Variants in SLC30A9 observed in about 807,000 individuals in gnomAD.
SLC30A9 encodes the protein solute carrier family 30 member 9.
Under a neutral mutation model 87.5 loss-of-function variants are expected in SLC30A9, and 58 were observed. That is an observed-to-expected ratio of 0.66 (90% CI 0.54 to 0.82). The LOEUF (loss-of-function observed/expected upper bound fraction) is 0.82, where lower values mean the gene tolerates loss of function less well. Ranked by LOEUF, SLC30A9 falls within the 40% of genes least tolerant of loss-of-function variation. SLC30A9 has a pLI of 0.00. For missense variants in SLC30A9, 557 were observed against 679.1 expected, an observed-to-expected ratio of 0.82 and a Z score of 2.00; for synonymous variants, 234 against 233.0, an observed-to-expected ratio of 1.00 and a Z score of -0.04.
chr4:42,055,379 T>A (rs1047786612), intron 9 of SLC30A9, among the ~76,000 whole-genome samples: 1 of 77,220 alleles, frequency 1.3e-5, no homozygotes, highest in South Asian at 6.4e-4. Context: ...TAATGTAGTT[T>A]TTTATTTATT....
At chr4:42,076,954 T>C (rs1369098390) in intron 16 of SLC30A9, among the ~76,000 whole-genome samples, 2 of 91,556 alleles carry the variant, frequency 2.2e-5, no homozygotes. Context: ...AGAGCGAGAC[T>C]CCGTCTCAAA....
intron 12 of SLC30A9, among the ~76,000 whole-genome samples, chr4:42,065,703 T>C (rs2153140145): frequency 6.6e-6 from 1 of 152,354 alleles, no homozygotes; most frequent in Middle Eastern, 3.4e-3. Context: ...CCACCATATT[T>C]GTGGTTATTT....
intron 2 of SLC30A9, among the ~76,000 whole-genome samples, chr4:42,005,027 T>TA (rs1715142637): frequency 1.3e-5 from 2 of 152,198 alleles, no homozygotes. Context: ...TTTTCAGACT[T>TA]ACCTTTTATT....
intron 2 of SLC30A9, among the ~76,000 whole-genome samples, chr4:42,006,783 G>T (rs1232697381): frequency 2.6e-5 from 4 of 152,036 alleles, no homozygotes; most frequent in Non-Finnish European, 5.9e-5. Flanking sequence ...TGGCGGTGGG[G>T]TTGGTAGTGT....
chr4:42,075,021 AT>A (rs1247021745), intron 15 of SLC30A9, among the ~76,000 whole-genome samples: 1 of 1,926 alleles, frequency 5.2e-4, no homozygotes, highest in Non-Finnish European at 1.0e-3. Context: ...GAGTTAATGA[AT>A]ATATATATAT....
At chr4:41,991,276 C>T (rs1167700209) in intron 1 of SLC30A9, among the ~76,000 whole-genome samples, 2 of 152,298 alleles carry the variant, frequency 1.3e-5, no homozygotes, top group Admixed American at 6.5e-5. Context: ...CGAAAGTATC[C>T]GACAATCATT....
chr4:42,077,377 T>C (rs1176611204), intron 16 of SLC30A9, among the ~76,000 whole-genome samples: 2 of 152,198 alleles, frequency 1.3e-5, no homozygotes, highest in Non-Finnish European at 2.9e-5. Flanking sequence ...ATTACACTTA[T>C]AGATTTGAAA....
intron 8 of SLC30A9, among the ~76,000 whole-genome samples, chr4:42,041,938 AC>A (rs1429815397): frequency 6.6e-6 from 1 of 152,122 alleles, no homozygotes; most frequent in Non-Finnish European, 1.5e-5. Flanking sequence ...GCATTGCCTC[AC>A]CGGGGTAGTG....
chr4:42,041,013 G>C (rs1311906896), intron 8 of SLC30A9, among the ~76,000 whole-genome samples: 1 of 152,156 alleles, frequency 6.6e-6, no homozygotes, highest in South Asian at 2.1e-4. Flanking sequence ...AATCATGGTG[G>C]AAGGCAAGGA....
At chr4:42,085,021 A>G (rs1718874078) in intron 17 of SLC30A9, among the ~76,000 whole-genome samples, 1 of 152,224 alleles carries the variant, frequency 6.6e-6, no homozygotes, top group African/African-American at 2.4e-5. Context: ...AAGCTAGCAT[A>G]TAAGATTTTT....
intron 9 of SLC30A9, among the ~76,000 whole-genome samples, chr4:42,057,004 C>T (rs1031501982): frequency 3.9e-5 from 6 of 152,336 alleles, no homozygotes; most frequent in Middle Eastern, 3.4e-3. Context: ...CATGTCTCAC[C>T]TCCAGGTCAC....
intron 11 of SLC30A9, among the ~76,000 whole-genome samples, chr4:42,063,416 G>GA (rs1217429996): frequency 6.6e-6 from 1 of 152,192 alleles, no homozygotes; most frequent in Non-Finnish European, 1.5e-5. Context: ...TGAAGAACAA[G>GA]AAAACCTCTG....
In SLC30A9 at chr4:41,998,060, T is replaced by G. The variant is rs544952775; in HGVS notation, c.110-3556T>G. Among the ~76,000 whole-genome samples, 12 of 152,358 alleles carry G rather than the reference T, an allele frequency of 7.9e-5. No individual in the cohort carries two copies. In the South Asian group the frequency reaches 2.5e-3, roughly 32 times the overall value. On this transcript the variant is annotated intron_variant, in intron 1 of 17. Transcript: ENST00000264451. Reference sequence around the variant, plus strand: ...GTGTGAGAGAAAAAGAGTGTCTTTTTGTTGTTATTCGTAGCCTAAAAATGA... The same window carrying G: ...GTGTGAGAGAAAAAGAGTGTCTTTTGGTTGTTATTCGTAGCCTAAAAATGA...
At chr4:42,001,229 G>A (rs1205004259) in intron 1 of SLC30A9, among the ~76,000 whole-genome samples, 1 of 152,004 alleles carries the variant, frequency 6.6e-6, no homozygotes, top group Non-Finnish European at 1.5e-5. Context: ...TAAATCTTTA[G>A]CTAGTGGAAG....
intron 15 of SLC30A9, among the ~76,000 whole-genome samples, chr4:42,073,497 AG>A (rs1718399016): frequency 6.6e-6 from 1 of 152,198 alleles, no homozygotes; most frequent in Admixed American, 6.5e-5. Flanking sequence ...CCCAAAACTT[AG>A]TGGTTTAAAC....
At chr4:42,005,632 G>A (rs1715168882) in intron 2 of SLC30A9, among the ~76,000 whole-genome samples, 1 of 152,140 alleles carries the variant, frequency 6.6e-6, no homozygotes, top group South Asian at 2.1e-4. Context: ...AAGAATCCAA[G>A]CTTCAATAGA....
intron 1 of SLC30A9, among the ~76,000 whole-genome samples, chr4:41,992,563 CATT>C (rs1002612560): frequency 3.9e-5 from 6 of 152,108 alleles, no homozygotes; most frequent in Non-Finnish European, 2.9e-5. Flanking sequence ...GTGTAGCTGT[CATT>C]ATGTTGAAAA....
chr4:42,020,107 C>A (rs1341227381), intron 3 of SLC30A9, among the ~76,000 whole-genome samples: 1 of 152,034 alleles, frequency 6.6e-6, no homozygotes, highest in Admixed American at 6.6e-5. Context: ...TTCATTTAGA[C>A]CCTAAGCAAT....
chr4:42,049,141 T>A (rs905415245), intron 8 of SLC30A9, among the ~76,000 whole-genome samples: 13 of 152,022 alleles, frequency 8.6e-5, no homozygotes, highest in African/African-American at 2.9e-4. Flanking sequence ...TTTTAAAAAA[T>A]TTTTTGTAGA....
Sources: gnomAD v4.1 joint callset for allele counts (sites outside exome capture counted in the v4.1 genomes callset) on GRCh38, gnomAD v4.1.1 for gene constraint, MANE v1.5 for transcripts, NCBI Gene and HGNC (gene_info 2026-07-23, HGNC 2026-07-21) for gene names.